The following LINGO2 variants were observed in gnomAD, a reference collection of about 807,000 sequenced individuals.
LINGO2 encodes the protein leucine-rich repeat and immunoglobulin-like domain-containing nogo receptor-interacting protein 2.
Under a neutral mutation model 30.6 loss-of-function variants are expected in LINGO2, and 14 were observed. The ratio of observed to expected loss-of-function variants is 0.46; its 90% CI spans 0.30 to 0.72. The LOEUF is 0.72. Ranked by LOEUF, LINGO2 falls within the 30% of genes least tolerant of loss-of-function variation. The pLI is 0.07. For synonymous variants in LINGO2, 317 were observed against 288.5 expected, an observed-to-expected ratio of 1.10 and a Z score of -1.00; for missense variants, 729 against 751.7, an observed-to-expected ratio of 0.97 and a Z score of 0.35.
chr9:28,458,532 C>A (rs969274315), intron 2 of LINGO2, among the ~76,000 whole-genome samples: 1 of 151,964 alleles, frequency 6.6e-6, no homozygotes, highest in Non-Finnish European at 1.5e-5. Flanking sequence ...TTTTTCTTTT[C>A]TTTTTTGCAT....
At chr9:28,749,730 A>G in the LINGO2 span, among the ~76,000 whole-genome samples, 1 of 152,098 alleles carries the variant, frequency 6.6e-6, no homozygotes, top group African/African-American at 2.4e-5. Flanking sequence ...AAGTACTCAC[A>G]AAAGTTTTAA....
intron 5 of LINGO2, among the ~76,000 whole-genome samples, chr9:27,990,671 G>T (rs1015544624): frequency 6.6e-6 from 1 of 151,938 alleles, no homozygotes; most frequent in Non-Finnish European, 1.5e-5. Flanking sequence ...GGAGGTTATC[G>T]CATTCAGTGG....
the LINGO2 span, among the ~76,000 whole-genome samples, chr9:28,736,588 C>T: frequency 1.3e-5 from 2 of 152,014 alleles, no homozygotes; most frequent in Admixed American, 1.3e-4. Flanking sequence ...GTCAGGAGTT[C>T]GAGACCACCC....
chr9:27,947,188 A>G (rs994509312), downstream of LINGO2, among the ~76,000 whole-genome samples: 3 of 152,202 alleles, frequency 2.0e-5, no homozygotes, highest in African/African-American at 7.2e-5. Context: ...TCCACATTCA[A>G]TTCTTTCTCA....
At chr9:28,206,209 T>C (rs1298177830) in intron 4 of LINGO2, among the ~76,000 whole-genome samples, 2 of 145,114 alleles carry the variant, frequency 1.4e-5, no homozygotes, top group African/African-American at 5.1e-5. Context: ...GAAGAAATTA[T>C]ATCTCAGGAA....
rs574644398 is a variant in LINGO2 at position 28,017,567 on chromosome 9, C to T, written c.-86-5162G>A. Among the ~76,000 whole-genome samples, 9 of 152,056 alleles carry T rather than the reference C, an allele frequency of 5.9e-5. No individual in the cohort carries two copies. The South Asian group carries it at 6.2e-4, about 11-fold the overall frequency. On this transcript the variant is annotated intron_variant, in intron 4 of 5. Transcript: ENST00000379992. ...ATAAATCAGTAGTACTTCTATATAT[C>T]GGCAACATCCAAGCTGAGAGCCAAA...
the LINGO2 span, among the ~76,000 whole-genome samples, chr9:29,030,342 C>A: frequency 6.6e-6 from 1 of 151,998 alleles, no homozygotes; most frequent in South Asian, 2.1e-4. Flanking sequence ...TAATTGTAGA[C>A]GTATAGAAAA....
At chr9:28,291,047 C>T (rs1050870321) in intron 4 of LINGO2, among the ~76,000 whole-genome samples, 3 of 152,192 alleles carry the variant, frequency 2.0e-5, no homozygotes, top group Admixed American at 2.0e-4. Context: ...GGATTAGGCT[C>T]CAGTTGTCCA....
At chr9:28,965,675 A>G in the LINGO2 span, among the ~76,000 whole-genome samples, 3 of 152,100 alleles carry the variant, frequency 2.0e-5, no homozygotes, top group African/African-American at 7.2e-5. Flanking sequence ...CTCAAATACT[A>G]CTTCTTAAAA....
At chr9:28,446,450 G>T (rs948889211) in intron 2 of LINGO2, among the ~76,000 whole-genome samples, 25 of 152,292 alleles carry the variant, frequency 1.6e-4, no homozygotes, top group African/African-American at 5.8e-4. Context: ...ACATTTATTA[G>T]CTATTTGTCC....
At chr9:28,637,828 G>T (rs950422516) in intron 1 of LINGO2, among the ~76,000 whole-genome samples, 1 of 152,106 alleles carries the variant, frequency 6.6e-6, no homozygotes, top group South Asian at 2.1e-4. Context: ...TCTGCTGCCT[G>T]ATTGCCCTGG....
At chr9:28,841,707 T>C in the LINGO2 span, among the ~76,000 whole-genome samples, 2 of 151,340 alleles carry the variant, frequency 1.3e-5, no homozygotes, top group Non-Finnish European at 2.9e-5. Context: ...ACAGAGAAGG[T>C]AAAAAAGATG....
At chr9:28,603,092 A>T (rs1270534386) in intron 1 of LINGO2, among the ~76,000 whole-genome samples, 1 of 152,080 alleles carries the variant, frequency 6.6e-6, no homozygotes, top group African/African-American at 2.4e-5. Flanking sequence ...TATTGAGCCA[A>T]AGTTTCTGCT....
chr9:27,963,620 T>C (rs978574783), intron 5 of LINGO2, among the ~76,000 whole-genome samples: 21 of 151,862 alleles, frequency 1.4e-4, no homozygotes, highest in African/African-American at 4.8e-4. Context: ...AATAAATGGA[T>C]AGCACAGAAA....
intron 1 of LINGO2, among the ~76,000 whole-genome samples, chr9:28,586,668 T>A (rs1824556425): frequency 1.3e-5 from 2 of 151,944 alleles, no homozygotes; most frequent in Non-Finnish European, 2.9e-5. Flanking sequence ...CTGTTCTGTG[T>A]TTGGAATTCA....
At chr9:28,400,576 C>CT (rs1309906429) in intron 2 of LINGO2, among the ~76,000 whole-genome samples, 1 of 152,144 alleles carries the variant, frequency 6.6e-6, no homozygotes, top group Non-Finnish European at 1.5e-5. Context: ...GTAAAAGTGC[C>CT]TTGTAAAACA....
At chr9:28,341,418 A>G (rs957332776) in intron 3 of LINGO2, among the ~76,000 whole-genome samples, 4 of 152,108 alleles carry the variant, frequency 2.6e-5, no homozygotes, top group African/African-American at 7.2e-5. Context: ...ATATTATTTC[A>G]CAAAATACAA....
the LINGO2 span, among the ~76,000 whole-genome samples, chr9:28,962,148 A>AT: frequency 0.11 from 17,131 of 152,060 alleles, 964 homozygotes; most frequent in South Asian, 0.15. Flanking sequence ...CTGGTAAAAT[A>AT]TTTTTTTAAA....
At chr9:28,506,521 T>TATATAA (rs1564250911) in intron 1 of LINGO2, among the ~76,000 whole-genome samples, 4 of 131,234 alleles carry the variant, frequency 3.0e-5, no homozygotes, top group African/African-American at 1.1e-4. Flanking sequence ...TATATATATA[T>TATATAA]AAACTGTTGG....
Sources: allele counts gnomAD v4.1 joint callset (sites outside exome capture counted in the v4.1 genomes callset), GRCh38; gene constraint gnomAD v4.1.1; transcripts MANE v1.5; gene names NCBI Gene and HGNC (gene_info 2026-07-23, HGNC 2026-07-21).